Variants in PLPPR1 observed in about 807,000 individuals in gnomAD.
PLPPR1 encodes phospholipid phosphatase related 1.
A neutral mutation model predicts 33.1 loss-of-function variants in PLPPR1; 10 were observed. The ratio of observed to expected loss-of-function variants is 0.30; its 90% CI spans 0.19 to 0.51. The LOEUF (loss-of-function observed/expected upper bound fraction) is 0.51, where lower values mean the gene tolerates loss of function less well. PLPPR1 is among the 20% of genes least tolerant of loss of function. PLPPR1 has a pLI of 0.97. For missense variants in PLPPR1, 304 were observed against 408.1 expected, an observed-to-expected ratio of 0.74 and a Z score of 2.20; for synonymous variants, 151 against 151.0, an observed-to-expected ratio of 1.00 and a Z score of 0.00.
At position 101,068,324 on chromosome 9, in the gene PLPPR1, A is replaced by G. The variant is rs147745259; in HGVS notation, c.-46+39222A>G. 3.7e-4 allele frequency among the ~76,000 whole-genome samples: 56 copies of G among 152,190 alleles called. 1 individual carries two copies. The highest frequency in any genetic ancestry group is 1.3e-3 in the African/African-American group (55 of 41,562). On this transcript the variant is annotated intron_variant, in intron 1 of 7. Coordinates refer to ENST00000374874, the MANE Select transcript of PLPPR1 (RefSeq NM_207299.2). ...AGTAGAGTCATGGCTGTAGAGACAT[A>G]GCCAGTGTATTGATGGAAGCCCGAG...
intron 1 of PLPPR1, among the ~76,000 whole-genome samples, chr9:101,182,096 T>C (rs1239372859): frequency 6.6e-6 from 1 of 151,548 alleles, no homozygotes; most frequent in African/African-American, 2.4e-5. Context: ...GGAAATAACA[T>C]GGATGAACCT....
intron 2 of PLPPR1, among the ~76,000 whole-genome samples, chr9:101,216,102 C>T (rs1451527748): frequency 6.6e-6 from 1 of 152,142 alleles, no homozygotes; most frequent in African/African-American, 2.4e-5. Flanking sequence ...TTTACATTCC[C>T]ACCAACAGTG....
intron 1 of PLPPR1, among the ~76,000 whole-genome samples, chr9:101,167,756 T>C (rs1197505801): frequency 6.6e-6 from 1 of 152,090 alleles, no homozygotes; most frequent in African/African-American, 2.4e-5. Context: ...TATCTACCTC[T>C]CCTCCCTGCT....
intron 1 of PLPPR1, among the ~76,000 whole-genome samples, chr9:101,054,027 T>C (rs1278142439): frequency 6.6e-6 from 1 of 151,856 alleles, no homozygotes; most frequent in Non-Finnish European, 1.5e-5. Flanking sequence ...CTACTAAAAA[T>C]ACAAAAATTA....
chr9:101,121,747 A>G (rs925338155), intron 1 of PLPPR1, among the ~76,000 whole-genome samples: 3 of 152,208 alleles, frequency 2.0e-5, no homozygotes, highest in East Asian at 1.9e-4. Flanking sequence ...CAAAAATTTT[A>G]TAACCAGCTA....
At chr9:101,323,806 T>C (rs1378459698) in intron 7 of PLPPR1, among the ~76,000 whole-genome samples, 1 of 151,558 alleles carries the variant, frequency 6.6e-6, no homozygotes, top group Non-Finnish European at 1.5e-5. Context: ...ACCATTGCAC[T>C]CCAGCCTGGG....
chr9:101,043,758 A>G (rs1452512332), intron 1 of PLPPR1, among the ~76,000 whole-genome samples: 3 of 152,096 alleles, frequency 2.0e-5, no homozygotes, highest in Non-Finnish European at 4.4e-5. Flanking sequence ...TTACATTCCC[A>G]CCAGCAGTGT....
rs538125900 is a variant in PLPPR1 at position 101,208,069 on chromosome 9, C to T, written c.63+22512C>T. ...TATCCTAAAGCTGGGGTGCAGCTCC[C>T]CCTTAAAAGGGAGCATATATTTTTT... On this transcript the variant is annotated intron_variant, in intron 2 of 7. Transcript: ENST00000374874. Among the ~76,000 whole-genome samples, 236 of 152,290 alleles carry T rather than the reference C, an allele frequency of 1.5e-3. 1 individual carries two copies. The highest frequency in any genetic ancestry group is 2.9e-3 in the Non-Finnish European group (198 of 68,010).
In PLPPR1 at chr9:101,087,410, T is replaced by C. The variant is rs79604907; in HGVS notation, c.-46+58308T>C. Among the ~76,000 whole-genome samples the C allele has an allele frequency of 3.9e-3, 601 of 152,252 alleles. 1 individual carries two copies. The highest frequency in any genetic ancestry group is 0.019 in the South Asian group (93 of 4,820). On this transcript the variant is annotated intron_variant, in intron 1 of 7. Transcript: ENST00000374874. ...TTCATTTTTCTACTAAAAGTCTCCA[T>C]ACATGTTATTCAGGAAGCCATAGAA...
At chr9:101,122,637 C>G (rs902802141) in intron 1 of PLPPR1, among the ~76,000 whole-genome samples, 2 of 152,164 alleles carry the variant, frequency 1.3e-5, no homozygotes, top group Non-Finnish European at 2.9e-5. Context: ...GTTCAGTCAT[C>G]ACTAAAGATT....
At chr9:101,278,468 C>G (rs1346148155) in intron 3 of PLPPR1, among the ~76,000 whole-genome samples, 1 of 152,058 alleles carries the variant, frequency 6.6e-6, no homozygotes, top group Non-Finnish European at 1.5e-5. Context: ...CTGGTTGGAA[C>G]ACAATAATAA....
intron 7 of PLPPR1, among the ~76,000 whole-genome samples, chr9:101,318,461 C>T (rs566990295): frequency 1.3e-5 from 2 of 151,998 alleles, no homozygotes; most frequent in South Asian, 4.2e-4. Context: ...ATTCCTATTT[C>T]ACAGGTAAAG....
chr9:101,262,546 A>G (rs947975099), intron 2 of PLPPR1, among the ~76,000 whole-genome samples: 2 of 152,158 alleles, frequency 1.3e-5, no homozygotes, highest in South Asian at 2.1e-4. Flanking sequence ...ATGCTTTTAC[A>G]CTGTTGGTGG....
At chr9:101,264,980 C>T (rs1827961561) in intron 2 of PLPPR1, among the ~76,000 whole-genome samples, 1 of 152,132 alleles carries the variant, frequency 6.6e-6, no homozygotes, top group Non-Finnish European at 1.5e-5. Context: ...TGAGTCACAC[C>T]ATCATTATCT....
At chr9:101,317,227 A>G in intron 6 of PLPPR1, 138 bp from the exon 7 acceptor site, 1 of 867,912 alleles carries the variant, frequency 1.2e-6, no homozygotes, top group Admixed American at 2.4e-5. Context: ...AGCACTTCCC[A>G]TAGTCCCTTT....
At chr9:101,213,714 A>G (rs1826729131) in intron 2 of PLPPR1, among the ~76,000 whole-genome samples, 1 of 152,128 alleles carries the variant, frequency 6.6e-6, no homozygotes, top group African/African-American at 2.4e-5. Context: ...CCATTCCTCC[A>G]TATTGCCAAT....
chr9:101,289,798 G>A (rs1588112594), intron 4 of PLPPR1, among the ~76,000 whole-genome samples: 1 of 152,118 alleles, frequency 6.6e-6, no homozygotes, highest in East Asian at 1.9e-4. Context: ...TTTGTAAATC[G>A]CCCAACCTCA....
At chr9:101,143,527 C>T (rs990053461) in intron 1 of PLPPR1, among the ~76,000 whole-genome samples, 2 of 151,442 alleles carry the variant, frequency 1.3e-5, no homozygotes, top group Non-Finnish European at 2.9e-5. Context: ...ACAATCTACC[C>T]ATCTGACAAA....
intron 1 of PLPPR1, among the ~76,000 whole-genome samples, chr9:101,132,152 A>T (rs1324977598): frequency 1.3e-5 from 2 of 152,156 alleles, no homozygotes; most frequent in Admixed American, 1.3e-4. Flanking sequence ...CTGAGGGGGC[A>T]CTGTGCCTTC....
Sources: gnomAD v4.1 joint callset for allele counts (sites outside exome capture counted in the v4.1 genomes callset) on GRCh38, gnomAD v4.1.1 for gene constraint, MANE v1.5 for transcripts, NCBI Gene and HGNC (gene_info 2026-07-23, HGNC 2026-07-21) for gene names.